Variants in OAS3 observed in about 807,000 individuals in gnomAD.
OAS3 encodes the protein 2'-5'-oligoadenylate synthetase 3, also known as 2'-5'-oligoadenylate synthase 3.
OAS3 carries 107 observed loss-of-function variants against 113.0 expected under a neutral mutation model. That is an observed-to-expected ratio of 0.95 (90% confidence interval 0.81 to 1.11). The LOEUF (loss-of-function observed/expected upper bound fraction) is 1.11. OAS3 is among the 50% of genes most tolerant of loss of function. The probability of loss-of-function intolerance (pLI) is 0.00; values close to 1 mark genes in which losing one functional copy is unlikely to be tolerated. For synonymous variants in OAS3, 552 were observed against 573.6 expected, an observed-to-expected ratio of 0.96 and a Z score of 0.54; for missense variants, 1,258 against 1,389.1, an observed-to-expected ratio of 0.91 and a Z score of 1.50.
At chr12:112,966,841 A>T (rs2043938414) in intron 12 of OAS3, among the ~76,000 whole-genome samples, 1 of 152,154 alleles carries the variant, frequency 6.6e-6, no homozygotes, top group Non-Finnish European at 1.5e-5. Context: ...TGGGGATATG[A>T]CTATGTTGCC....
At chr12:112,947,816 C>A in intron 4 of OAS3, 130 bp from the exon 5 acceptor site, 1 of 778,190 alleles carries the variant, frequency 1.3e-6, no homozygotes, top group Non-Finnish European at 2.0e-6. Flanking sequence ...GAAATCGAGG[C>A]TCAGAGAGGG....
At chr12:112,961,379 T>G (rs1565980389) in intron 8 of OAS3, 133 bp downstream of exon 8, 1 of 752,434 alleles carries the variant, frequency 1.3e-6, no homozygotes, top group East Asian at 2.7e-5. Context: ...AGGACCGGCC[T>G]CCTCCATCCT....
chr12:112,962,553 C>T, intron 8 of OAS3, 99 bp from the exon 9 acceptor site: 1 of 1,396,552 alleles, frequency 7.2e-7, no homozygotes, highest in Non-Finnish European at 9.8e-7. Flanking sequence ...TCTTTCTGCG[C>T]TTCTATTTTC....
At position 112,967,425 on chromosome 12, in the gene OAS3, G is replaced by A. The variant is rs761051911; in HGVS notation, c.2697G>A (p.Leu899=). 1.2e-5 allele frequency: 19 copies of A among 1,611,836 alleles called. No individual in the cohort carries two copies. In the African/African-American group the frequency reaches 2.0e-4, roughly 17 times the overall value. ...VLPAFDALGQ[L]VSGSRPSSQV... is the part of the protein sequence containing the mutation. ...CCATCTCCCCATCTCCAGGCCAGCT[G>A]GTCTCTGGCTCCAGGCCCAGCTCTC... The change falls in exon 13 of 16, where the codon CTG becomes CTA. Residue 899 remains leucine (L), a synonymous_variant. Transcript: ENST00000228928.
intron 1 of OAS3, 47 bp from the exon 2 acceptor site, chr12:112,941,523 A>G (rs761199929): frequency 1.3e-6 from 2 of 1,576,590 alleles, no homozygotes; most frequent in East Asian, 4.5e-5. Context: ...TTGCAAGGCC[A>G]CTAGAATTGG....
chr12:112,942,329 A>G (rs1417175866), intron 2 of OAS3: 1 of 228,152 alleles, frequency 4.4e-6, no homozygotes, highest in East Asian at 9.2e-5. Flanking sequence ...TCATCTGTAA[A>G]ATGAGGATAA....
At chr12:112,968,607 C>A (rs11066463) in intron 14 of OAS3, among the ~76,000 whole-genome samples, 1 of 152,210 alleles carries the variant, frequency 6.6e-6, no homozygotes, top group East Asian at 1.9e-4. Context: ...CTCCGCCTCC[C>A]GGGTTCAAGC....
rs550482957 is a variant in OAS3, at chr12:112,954,440, G to A, written c.1657+3465G>A. Among the ~76,000 whole-genome samples the A allele has an allele frequency of 2.6e-5, 4 of 152,188 alleles. No homozygotes were observed. The highest frequency in any genetic ancestry group is 1.9e-4 in the East Asian group (1 of 5,176). On this transcript the variant is annotated intron_variant, in intron 7 of 15. Coordinates refer to ENST00000228928, the MANE Select transcript of OAS3 (RefSeq NM_006187.4). The surrounding 1 kb of genome is among the most constrained non-coding windows in gnomAD (Gnocchi z 4.0). ...CTAGTAGCTGGGACTACAGGTGCCC[G>A]CCACCACATCTGGCTAATTTTTTTG...
rs138051400 is a variant in OAS3, at chr12:112,947,317, G to C, written c.875+336G>C. Among the ~76,000 whole-genome samples the C allele has an allele frequency of 9.7e-3, 1,469 of 152,112 alleles. 12 individuals are homozygous for C. The highest frequency in any genetic ancestry group is 0.032 in the South Asian group (153 of 4,802). ...GGTAGAATATTTCCAGCACCCCACTGGTCCCCTCTCAGTCAGTAACCTTCC... is the reference window on the plus strand; with the variant it reads ...GGTAGAATATTTCCAGCACCCCACTCGTCCCCTCTCAGTCAGTAACCTTCC... On this transcript the variant is annotated intron_variant, in intron 4 of 15. Coordinates refer to ENST00000228928, the MANE Select transcript of OAS3 (RefSeq NM_006187.4).
At chr12:112,947,438 T>A (rs773908682) in intron 4 of OAS3, among the ~76,000 whole-genome samples, 1 of 152,254 alleles carries the variant, frequency 6.6e-6, no homozygotes, top group African/African-American at 2.4e-5. Flanking sequence ...GTGTCTGGCT[T>A]CTCGTTCTGT....
At chr12:112,951,839 C>CAAAAAAAAAAAAAAAAAAAA (rs3038125) in intron 7 of OAS3, among the ~76,000 whole-genome samples, 1 of 105,724 alleles carries the variant, frequency 9.5e-6, no homozygotes, top group Non-Finnish European at 1.9e-5. Context: ...ACTAAAAATA[C>CAAAAAAAAAAAAAAAAAAAA]AAAAAAAAAA....
At chr12:112,949,661 T>C (rs1190697017) in intron 6 of OAS3, among the ~76,000 whole-genome samples, 1 of 152,186 alleles carries the variant, frequency 6.6e-6, no homozygotes, top group African/African-American at 2.4e-5. Context: ...GCTCTCTCTG[T>C]CTCTCCTCTT....
chr12:112,968,189 C>G lies in OAS3; in HGVS notation c.3104+15C>G, dbSNP rs368848515. The G allele has an allele frequency of 3.2e-5, 51 of 1,600,540 alleles. No homozygotes were observed. The highest frequency in any genetic ancestry group is 4.5e-5 in the East Asian group (2 of 44,586). ...CAGAAGCCCAGGTTCAGGTCTACCC[C>G]CAATGTTCCAGAATTTCAAACCTGG... On this transcript the variant is annotated intron_variant, in intron 14 of 15. Coordinates refer to ENST00000228928, the MANE Select transcript of OAS3 (RefSeq NM_006187.4).
rs2043783637 is a variant in OAS3, at chr12:112,950,776, C to T, written c.1458C>T (p.Tyr486=). ...TCTTCCTCAACTGCTTCACGGACTA[C>T]AAGGACCAGGGGCCCCGCCGCGCAG... ...LIIFLNCFTD[Y]KDQGPRRAEI... The change falls in exon 7 of 16, where the codon TAC becomes TAT. Residue 486 remains tyrosine (Y), a synonymous_variant. Coordinates refer to ENST00000228928, the MANE Select transcript of OAS3 (RefSeq NM_006187.4). 1 of 1,613,946 alleles carries T rather than the reference C, an allele frequency of 6.2e-7. No individual in the cohort carries two copies. Among genetic ancestry groups the T allele is most frequent in the African/African-American group, 1.3e-5 (1 of 74,944 alleles).
Position 112,969,647 on chromosome 12 carries a change from G to T in OAS3, c.3144G>T (p.Leu1048=), listed in dbSNP as rs948301550. The T allele has an allele frequency of 6.2e-7, 1 of 1,607,130 alleles. No individual in the cohort carries two copies. Among genetic ancestry groups the T allele is most frequent in the Non-Finnish European group, 8.5e-7 (1 of 1,176,804 alleles). ...ATCCGGCTGACCCGACAGGCAACCTGGGCCACAATGCCCGCTGGGACCTGC... is the reference window on the plus strand; with the variant it reads ...ATCCGGCTGACCCGACAGGCAACCTTGGCCACAATGCCCGCTGGGACCTGC... ...ILDPADPTGN[L]GHNARWDLLA... is the part of the protein sequence containing the mutation. The change falls in exon 15 of 16, where the codon CTG becomes CTT. Residue 1048 remains leucine (L), a synonymous_variant. Transcript: ENST00000228928.
rs917337304 is a variant in OAS3, at chr12:112,972,928, G to A, written c.*2955G>A. ...TGTGTGTGTGTTTAATTTTTAAAAA[G>A]TTTTTATTGAGATACAAGTCAATAC... On this transcript the variant is annotated 3_prime_UTR_variant, in exon 16 of 16. Coordinates refer to ENST00000228928, the MANE Select transcript of OAS3 (RefSeq NM_006187.4). 19 of 146,660 alleles carry A rather than the reference G, an allele frequency of 1.3e-4. No individual in the cohort carries two copies. The highest frequency in any genetic ancestry group is 4.6e-4 in the African/African-American group (18 of 39,344). 9.1% of individuals were successfully genotyped at this position (146,660 alleles called of 1,614,324 possible). A position where few individuals can be genotyped will look rare whatever the true frequency, so the allele number is the denominator to read the frequency against.
chr12:112,944,842 A>G, intron 3 of OAS3, 191 bp downstream of exon 3: 2 of 626,024 alleles, frequency 3.2e-6, no homozygotes, highest in South Asian at 3.7e-5. Context: ...CTCTTTATAT[A>G]TTGTGGATAC....
chr12:112,950,014 C>T (rs1436495798), intron 6 of OAS3, among the ~76,000 whole-genome samples: 8 of 152,226 alleles, frequency 5.3e-5, no homozygotes, highest in Middle Eastern at 6.8e-3. Flanking sequence ...AGTGAAACTC[C>T]GTCTCAAAAA....
Position 112,967,924 on chromosome 12 carries a change from C to T in OAS3, c.2866-12C>T, listed in dbSNP as rs775692411. 5 of 1,610,126 alleles carry T rather than the reference C, an allele frequency of 3.1e-6. No homozygotes were observed. In the Admixed American group the frequency reaches 6.7e-5, roughly 22 times the overall value. ...CAATATGAACCAACATATCTTTCTT[C>T]TCGTTCTCCAGTGTACCAAGATCTC... On this transcript the variant is annotated splice_polypyrimidine_tract_variant and intron_variant, in intron 13 of 15. Transcript: ENST00000228928.
Sources: allele counts gnomAD v4.1 joint callset (sites outside exome capture counted in the v4.1 genomes callset), GRCh38; gene constraint gnomAD v4.1.1; non-coding constraint Gnocchi (gnomAD v3.1); transcripts MANE v1.5; gene names NCBI Gene and HGNC (gene_info 2026-07-23, HGNC 2026-07-21).